The following AUTS2 variants were observed in gnomAD, a reference collection of about 807,000 sequenced individuals.
The protein encoded by AUTS2 is autism susceptibility gene 2 protein.
Under a neutral mutation model 112.4 loss-of-function variants are expected in AUTS2, and 17 were observed. The observed-to-expected ratio is 0.15, with a 90% CI of 0.10 to 0.23. The LOEUF is 0.23. AUTS2 is among the 10% of genes least tolerant of loss of function. AUTS2 has a pLI of 1.00. For missense variants in AUTS2, 1,510 were observed against 1,701.6 expected (o/e 0.89, Z 1.98); for synonymous variants, 751 against 702.7 (o/e 1.07, Z -1.09).
intron 2 of AUTS2, among the ~76,000 whole-genome samples, chr7:70,003,733 TAATA>T (rs1391380863): frequency 8.0e-6 from 1 of 124,898 alleles, no homozygotes; most frequent in Non-Finnish European, 1.6e-5. Context: ...TGAATATATA[TAATA>T]TATATGAATG....
intron 4 of AUTS2, among the ~76,000 whole-genome samples, chr7:70,261,893 A>G (rs1787184731): frequency 6.6e-6 from 1 of 152,106 alleles, no homozygotes; most frequent in Non-Finnish European, 1.5e-5. Flanking sequence ...TCATGTCTTT[A>G]TATTGTCTAT....
chr7:70,435,969 C>CT, intron 5 of AUTS2, 188 bp downstream of exon 5: 1 of 541,814 alleles, frequency 1.8e-6, no homozygotes, highest in Non-Finnish European at 3.2e-6. Context: ...TCAGATCTAC[C>CT]TTTTTTTCAT....
chr7:70,279,866 T>G (rs1478291386), intron 4 of AUTS2, among the ~76,000 whole-genome samples: 1 of 152,174 alleles, frequency 6.6e-6, no homozygotes, highest in Non-Finnish European at 1.5e-5. Flanking sequence ...CATTGTAAAA[T>G]TATTTTCACA....
rs549398967 is a variant in AUTS2 at position 69,838,933 on chromosome 7, G to C, written c.310-60353G>C. 3.3e-5 allele frequency among the ~76,000 whole-genome samples: 5 copies of C among 152,276 alleles called. 1 individual carries two copies. The South Asian group carries it at 1.0e-3, about 32-fold the overall frequency. On this transcript the variant is annotated intron_variant, in intron 1 of 18. Coordinates refer to ENST00000342771, the MANE Select transcript of AUTS2 (RefSeq NM_015570.4). Reference sequence around the variant, plus strand: ...GCTCTAGTTAGGGATATGAGCTCCAGATTGCTCTCTTTTGGGTCACAATTA... The same window carrying C: ...GCTCTAGTTAGGGATATGAGCTCCACATTGCTCTCTTTTGGGTCACAATTA...
At chr7:70,305,818 T>C (rs1433583352) in intron 4 of AUTS2, among the ~76,000 whole-genome samples, 1 of 152,190 alleles carries the variant, frequency 6.6e-6, no homozygotes. Context: ...ATAAATGCCT[T>C]TATAATATGT....
At position 70,369,922 on chromosome 7, in the gene AUTS2, A is replaced by G. The variant is rs1015026351; in HGVS notation, c.661-65830A>G. On this transcript the variant is annotated intron_variant, in intron 4 of 18. Transcript: ENST00000342771. The stretch of plus-strand genomic sequence containing the variant: ...TTTTGAAGAGACTACCAGATATGCA[A>G]AGGGTACTAGAATGAGGAAGACTCG... Among the ~76,000 whole-genome samples the G allele has an allele frequency of 1.1e-4, 16 of 152,238 alleles. No individual in the cohort carries two copies. In the South Asian group the frequency reaches 2.3e-3, roughly 22 times the overall value.
At chr7:70,267,029 CT>C (rs1399995292) in intron 4 of AUTS2, among the ~76,000 whole-genome samples, 5 of 152,188 alleles carry the variant, frequency 3.3e-5, no homozygotes, top group African/African-American at 1.2e-4. Flanking sequence ...GAACTTTCTT[CT>C]GTGTGGATAA....
chr7:70,774,055 C>G lies in AUTS2; in HGVS notation c.1858C>G (p.Arg620Gly), dbSNP rs577323013. Residue 620 changes from arginine to glycine, a missense_variant, in exon 12 of 19, where the codon CGG becomes GGG. By Grantham distance (125) the Arg-to-Gly change is moderately radical. Coordinates refer to ENST00000342771, the MANE Select transcript of AUTS2 (RefSeq NM_015570.4). ...ATCCAACCCTATCGATGTCGCTGCTCGGCCTGGGACAGTCCCACACACTTT... is the reference window on the plus strand; with the variant it reads ...ATCCAACCCTATCGATGTCGCTGCTGGGCCTGGGACAGTCCCACACACTTT... ...KTSNPIDVAA[R>G]PGTVPHTLLQ... 2.2e-5 allele frequency: 35 copies of G among 1,614,078 alleles called. No homozygotes were observed. Among genetic ancestry groups the G allele is most frequent in the Non-Finnish European group, 1.3e-5 (15 of 1,180,050 alleles).
chr7:70,404,885 A>G (rs1465632541), intron 4 of AUTS2, among the ~76,000 whole-genome samples: 1 of 152,172 alleles, frequency 6.6e-6, no homozygotes, highest in Non-Finnish European at 1.5e-5. Flanking sequence ...CCCAGATCCA[A>G]TAGGAATGGG....
intron 5 of AUTS2, among the ~76,000 whole-genome samples, chr7:70,475,705 G>A (rs1368327699): frequency 6.6e-6 from 1 of 152,180 alleles, no homozygotes; most frequent in Non-Finnish European, 1.5e-5. Context: ...CTCAGGGAAT[G>A]TATAGTCTGA....
chr7:69,838,305 T>C (rs757847319), intron 1 of AUTS2, among the ~76,000 whole-genome samples: 17 of 151,956 alleles, frequency 1.1e-4, no homozygotes, highest in Non-Finnish European at 1.9e-4. Flanking sequence ...AAGCGATTGA[T>C]GATGATGATG....
At chr7:70,530,949 C>A (rs971348266) in intron 5 of AUTS2, among the ~76,000 whole-genome samples, 1 of 152,074 alleles carries the variant, frequency 6.6e-6, no homozygotes, top group Non-Finnish European at 1.5e-5. Context: ...TCTAAGGGAC[C>A]CAGGCAAAAG....
intron 5 of AUTS2, among the ~76,000 whole-genome samples, chr7:70,585,417 C>T (rs146799847): frequency 3.3e-5 from 5 of 152,186 alleles, no homozygotes; most frequent in African/African-American, 7.2e-5. Flanking sequence ...CTTCCAGAAT[C>T]CCCTATTTGA....
chr7:70,491,590 TG>T (rs1562990218), intron 5 of AUTS2, among the ~76,000 whole-genome samples: 9 of 28,814 alleles, frequency 3.1e-4, no homozygotes, highest in East Asian at 4.6e-4. Flanking sequence ...GTATATATAT[TG>T]TGTGTGTGTG....
intron 4 of AUTS2, among the ~76,000 whole-genome samples, chr7:70,242,084 TAGGG>T: frequency 6.6e-6 from 1 of 152,268 alleles, no homozygotes; most frequent in East Asian, 1.9e-4. Flanking sequence ...AGATTGGCCT[TAGGG>T]AGGGAAGTCT....
At chr7:70,136,168 T>G (rs946023980) in intron 4 of AUTS2, among the ~76,000 whole-genome samples, 3 of 152,174 alleles carry the variant, frequency 2.0e-5, no homozygotes, top group Non-Finnish European at 4.4e-5. Context: ...ATTTAAAGAG[T>G]CTTTAATTAC....
At chr7:70,441,833 C>T (rs1191797815) in intron 5 of AUTS2, among the ~76,000 whole-genome samples, 3 of 152,172 alleles carry the variant, frequency 2.0e-5, no homozygotes, top group African/African-American at 7.2e-5. Flanking sequence ...TAACTTGGCT[C>T]GTGCAGGAGT....
intron 2 of AUTS2, among the ~76,000 whole-genome samples, chr7:70,049,407 G>T (rs2129558993): frequency 6.6e-6 from 1 of 151,728 alleles, no homozygotes; most frequent in East Asian, 1.9e-4. Flanking sequence ...TCGGCTCACT[G>T]CAACCTCCAC....
At chr7:69,718,436 A>G (rs1316871393) in intron 1 of AUTS2, among the ~76,000 whole-genome samples, 3 of 152,136 alleles carry the variant, frequency 2.0e-5, no homozygotes, top group Non-Finnish European at 4.4e-5. Context: ...TTTTTCCAGC[A>G]TCTAGAGGCT....
Sources: allele counts gnomAD v4.1 joint callset (sites outside exome capture counted in the v4.1 genomes callset), GRCh38; gene constraint gnomAD v4.1.1; transcripts MANE v1.5; gene names NCBI Gene and HGNC (gene_info 2026-07-23, HGNC 2026-07-21).